Variants in GLI3 observed in about 807,000 individuals in gnomAD.
GLI3 encodes the protein transcription activator GLI3.
A neutral mutation model predicts 100.8 loss-of-function variants in GLI3; 20 were observed. The ratio of observed to expected loss-of-function variants is 0.20; its 90% confidence interval spans 0.14 to 0.29. The LOEUF (loss-of-function observed/expected upper bound fraction) is 0.29, where lower values mean the gene tolerates loss of function less well. GLI3 is among the 10% of genes least tolerant of loss of function. The pLI, the probability that GLI3 is intolerant of heterozygous loss-of-function variation, is 1.00. For missense variants in GLI3, 2,040 were observed against 2,128.5 expected, an observed-to-expected ratio of 0.96 and a Z score of 0.82; for synonymous variants, 938 against 860.5, an observed-to-expected ratio of 1.09 and a Z score of -1.58.
intron 10 of GLI3, among the ~76,000 whole-genome samples, chr7:41,997,650 T>C (rs1270310375): frequency 6.6e-6 from 1 of 152,224 alleles, no homozygotes; most frequent in Non-Finnish European, 1.5e-5. Flanking sequence ...AAATGATACC[T>C]TCTGCTTTGC....
Position 42,181,980 on chromosome 7 carries a change from T to C in GLI3, c.125-33512A>G, listed in dbSNP as rs550923332. Among the ~76,000 whole-genome samples, 24 of 152,280 alleles carry C rather than the reference T, an allele frequency of 1.6e-4. No homozygotes were observed. In the East Asian group the frequency reaches 2.5e-3, roughly 16 times the overall value. ...CTTGTAGATGAGCTAGCTTTGTTACTGTTGTTGTTTCATGTTTAGGGTCAT... is the reference window on the plus strand; with the variant it reads ...CTTGTAGATGAGCTAGCTTTGTTACCGTTGTTGTTTCATGTTTAGGGTCAT... On this transcript the variant is annotated intron_variant, in intron 2 of 14. Transcript: ENST00000395925.
At chr7:42,200,056 CA>C (rs143886708) in intron 2 of GLI3, among the ~76,000 whole-genome samples, 2,533 of 152,084 alleles carry the variant, frequency 0.017, 25 homozygotes, top group Non-Finnish European at 0.025. Flanking sequence ...AACTCTGTCT[CA>C]AAAAAGGACC....
At chr7:42,145,218 C>A (rs1449530468) in intron 3 of GLI3, 6 of 193,724 alleles carry the variant, frequency 3.1e-5, no homozygotes, top group Non-Finnish European at 5.2e-5. Flanking sequence ...ATTAAGTAAT[C>A]CAACAGAGTT....
Position 42,020,973 on chromosome 7 carries a change from G to T in GLI3, c.1497+2495C>A, listed in dbSNP as rs113350604. Among the ~76,000 whole-genome samples, 297 of 151,288 alleles carry T rather than the reference G, an allele frequency of 2.0e-3. 2 individuals carry two copies. Among genetic ancestry groups the T allele is most frequent in the African/African-American group, 5.5e-3 (225 of 41,168 alleles). ...ACCACCAAAGTAATTAGGTGGACTT[G>T]AAGTAGCTATTCCTTCAATCAACAT... On this transcript the variant is annotated intron_variant, in intron 10 of 14. Transcript: ENST00000395925.
chr7:42,233,427 G>A (rs1339966672), intron 1 of GLI3, among the ~76,000 whole-genome samples: 1 of 152,148 alleles, frequency 6.6e-6, no homozygotes, highest in Non-Finnish European at 1.5e-5. Context: ...GGGATTAGGG[G>A]GTTGATAAGA....
At chr7:42,206,532 C>A (rs1036286861) in intron 2 of GLI3, among the ~76,000 whole-genome samples, 3 of 152,022 alleles carry the variant, frequency 2.0e-5, no homozygotes, top group African/African-American at 7.2e-5. Context: ...TGATTATATC[C>A]ATGCATGTTT....
Position 42,160,252 on chromosome 7 carries a change from C to T in GLI3, c.125-11784G>A, listed in dbSNP as rs1787100437. 2.0e-5 allele frequency among the ~76,000 whole-genome samples: 3 copies of T among 152,150 alleles called. No homozygotes were observed. In the South Asian group the frequency reaches 6.2e-4, roughly 31 times the overall value. The stretch of plus-strand genomic sequence containing the variant: ...AAAACAGGGTGGCAAGATAATTGAG[C>T]CCTGGGCCAGGCATTGGATTTCCAG... On this transcript the variant is annotated intron_variant, in intron 2 of 14. Coordinates refer to ENST00000395925, the MANE Select transcript of GLI3 (RefSeq NM_000168.6).
At chr7:42,204,801 C>A (rs1204646537) in intron 2 of GLI3, among the ~76,000 whole-genome samples, 2 of 152,076 alleles carry the variant, frequency 1.3e-5, no homozygotes, top group Non-Finnish European at 2.9e-5. Flanking sequence ...TGGACCAGGT[C>A]TAGACATGAA....
chr7:42,083,687 T>A (rs1785043673), intron 3 of GLI3, among the ~76,000 whole-genome samples: 2 of 152,214 alleles, frequency 1.3e-5, no homozygotes, highest in African/African-American at 2.4e-5. Context: ...AAATATCAAT[T>A]TTTTATTTAT....
chr7:41,995,408 C>A (rs1788097638), intron 10 of GLI3, among the ~76,000 whole-genome samples: 1 of 152,096 alleles, frequency 6.6e-6, no homozygotes, highest in Non-Finnish European at 1.5e-5. Flanking sequence ...TTCTGCCTGG[C>A]CTGCTTGTCC....
At chr7:42,039,527 A>G (rs555906932) in intron 7 of GLI3, among the ~76,000 whole-genome samples, 1 of 152,240 alleles carries the variant, frequency 6.6e-6, no homozygotes, top group Non-Finnish European at 1.5e-5. Flanking sequence ...TCTGATATCT[A>G]TGCTTTCCAA....
At chr7:42,126,343 T>G (rs1403938660) in intron 3 of GLI3, among the ~76,000 whole-genome samples, 1 of 151,912 alleles carries the variant, frequency 6.6e-6, no homozygotes, top group Non-Finnish European at 1.5e-5. Flanking sequence ...CTCACCTATA[T>G]GACTATTTCT....
Position 41,967,719 on chromosome 7 carries a change from C to A in GLI3, c.2308G>T (p.Ala770Ser), listed in dbSNP as rs1355649064. 1.2e-6 allele frequency: 2 copies of A among 1,614,192 alleles called. No individual in the cohort carries two copies. Among genetic ancestry groups the A allele is most frequent in the Admixed American group, 3.3e-5 (2 of 60,020 alleles). ...ALALQARRNP[A>S]GTKWMEHVKL... is the part of the protein sequence containing the mutation. Reference sequence around the variant, plus strand: ...ACGTGCTCCATCCATTTGGTCCCTGCCGGGTTTCTCCTGGCTTGCAAAGCA... The same window carrying A: ...ACGTGCTCCATCCATTTGGTCCCTGACGGGTTTCTCCTGGCTTGCAAAGCA... The change falls in exon 14 of 15, where the codon GCA (alanine) becomes TCA (serine). Residue 770 changes from alanine (A) to serine (S), a missense_variant. Ala to Ser is a moderately conservative substitution (Grantham distance 99). This residue lies in a region of GLI3 where 327 missense variants were observed against 338.7 expected (regional missense o/e 0.97). Transcript: ENST00000395925.
At chr7:42,137,472 C>A (rs1461134049) in intron 3 of GLI3, among the ~76,000 whole-genome samples, 1 of 152,144 alleles carries the variant, frequency 6.6e-6, no homozygotes, top group African/African-American at 2.4e-5. Context: ...CACGGCAAAC[C>A]TTTCAGTAGA....
At chr7:42,091,753 G>A (rs990829048) in intron 3 of GLI3, among the ~76,000 whole-genome samples, 20 of 152,198 alleles carry the variant, frequency 1.3e-4, no homozygotes, top group African/African-American at 1.9e-4. Flanking sequence ...ATATCCGCTC[G>A]CTCGGCTCAG....
Position 42,223,129 on chromosome 7 carries a change from C to G in GLI3, c.124+1G>C. The G allele has an allele frequency of 6.2e-7, 1 of 1,613,922 alleles. No homozygotes were observed. Among genetic ancestry groups the G allele is most frequent in the Non-Finnish European group, 8.5e-7 (1 of 1,179,902 alleles). On this transcript the variant is annotated splice_donor_variant, in intron 2 of 14. Coordinates refer to ENST00000395925, the MANE Select transcript of GLI3 (RefSeq NM_000168.6). LOFTEE classifies it high-confidence loss of function. ...CTGCTGGTAATCCCTGTGCTGCTCA[C>G]CATTAGAAGTGGTGCTGGAGGCAAC...
At chr7:42,088,443 G>A (rs2128755671) in intron 3 of GLI3, among the ~76,000 whole-genome samples, 1 of 152,266 alleles carries the variant, frequency 6.6e-6, no homozygotes, top group South Asian at 2.1e-4. Flanking sequence ...TTCCTATTTT[G>A]ATTCTTAGCT....
intron 2 of GLI3, among the ~76,000 whole-genome samples, chr7:42,203,458 C>T (rs527406631): frequency 5.2e-4 from 79 of 152,326 alleles, no homozygotes; most frequent in African/African-American, 1.8e-3. Flanking sequence ...TTACCTCCCA[C>T]ATATGATGAG....
chr7:42,136,995 G>A (rs1158497301), intron 3 of GLI3, among the ~76,000 whole-genome samples: 10 of 152,160 alleles, frequency 6.6e-5, no homozygotes, highest in East Asian at 3.9e-4. Flanking sequence ...CCAATAAACC[G>A]GGTTCAAACC....
Sources: gnomAD v4.1 joint callset for allele counts (sites outside exome capture counted in the v4.1 genomes callset) on GRCh38, gnomAD v4.1.1 for gene constraint, gnomAD v4.1.1 regional missense constraint, MANE v1.5 for transcripts, NCBI Gene and HGNC (gene_info 2026-07-23, HGNC 2026-07-21) for gene names.